The following SPAG17 variants were observed in gnomAD, a reference collection of about 807,000 sequenced individuals.
The protein encoded by SPAG17 is sperm-associated antigen 17.
In SPAG17, 169 loss-of-function variants were observed where a neutral mutation model predicts 273.6. The ratio of observed to expected loss-of-function variants is 0.62; its 90% confidence interval spans 0.55 to 0.70. The LOEUF (loss-of-function observed/expected upper bound fraction) is 0.70. SPAG17 is among the 30% of genes least tolerant of loss of function. The probability of loss-of-function intolerance (pLI) is 0.00; values close to 1 mark genes in which losing one functional copy is unlikely to be tolerated. For missense variants in SPAG17, 2,557 were observed against 2,627.8 expected (o/e 0.97, Z 0.59); for synonymous variants, 825 against 873.2 (o/e 0.94, Z 0.97).
chr1:117,955,468 T>A, intron 48 of SPAG17: 1 of 1,004,096 alleles, frequency 1.0e-6, no homozygotes, highest in African/African-American at 1.7e-5. Context: ...TCTTATAGGT[T>A]TAACTATATC....
At chr1:118,091,883 G>C in intron 9 of SPAG17, 47 bp downstream of exon 9, 2 of 1,584,486 alleles carry the variant, frequency 1.3e-6, no homozygotes, top group Non-Finnish European at 1.7e-6. Context: ...ATCTCTTAAA[G>C]TGCCAGCTCA....
At chr1:118,039,635 G>C (rs1198148999) in intron 22 of SPAG17, among the ~76,000 whole-genome samples, 191 bp from the exon 23 acceptor site, 1 of 152,064 alleles carries the variant, frequency 6.6e-6, no homozygotes, top group Non-Finnish European at 1.5e-5. Flanking sequence ...ATAGACACCA[G>C]GGCTACTTGA....
At chr1:117,958,494 T>C (rs546278833) in intron 48 of SPAG17, among the ~76,000 whole-genome samples, 23 of 152,322 alleles carry the variant, frequency 1.5e-4, no homozygotes, top group Non-Finnish European at 2.4e-4. Context: ...CTTGGTACTC[T>C]AGGTCAGAGT....
chr1:118,135,428 TGTGG>T (rs1186729375), intron 3 of SPAG17, among the ~76,000 whole-genome samples: 309 of 149,506 alleles, frequency 2.1e-3, no homozygotes, highest in African/African-American at 5.8e-3. Context: ...TGTGTGTGTG[TGTGG>T]GGTATGGTGT....
rs372828596 is a variant in SPAG17 at position 118,110,352 on chromosome 1, G to GA, written c.447+4957dup. ...CAGCTGCGTAAAGAAGCAAATCCCAGAAAAAAACAGAAAGAAAAATGCCAA... is the reference window on the plus strand; with the variant it reads ...CAGCTGCGTAAAGAAGCAAATCCCAGAAAAAAAACAGAAAGAAAAATGCCAA... On this transcript the variant is annotated intron_variant, in intron 4 of 48. Transcript: ENST00000336338. Among the ~76,000 whole-genome samples, 731 of 152,110 alleles carry GA rather than the reference G, an allele frequency of 4.8e-3. 5 individuals carry two copies. Among genetic ancestry groups the GA allele is most frequent in the African/African-American group, 0.016 (683 of 41,510 alleles).
At chr1:118,111,673 C>A (rs367656226) in intron 4 of SPAG17, among the ~76,000 whole-genome samples, 4 of 151,690 alleles carry the variant, frequency 2.6e-5, no homozygotes, top group Non-Finnish European at 5.9e-5. Context: ...AAACTACTCT[C>A]ATTTCTCTTT....
chr1:118,184,551 G>A (rs1389357179), intron 1 of SPAG17, among the ~76,000 whole-genome samples: 1 of 152,098 alleles, frequency 6.6e-6, no homozygotes, highest in Non-Finnish European at 1.5e-5. Flanking sequence ...TAATATAGTG[G>A]GATCAGGGCA....
intron 1 of SPAG17, among the ~76,000 whole-genome samples, chr1:118,152,760 A>AT (rs1558049866): frequency 6.6e-6 from 1 of 152,162 alleles, no homozygotes; most frequent in Non-Finnish European, 1.5e-5. Flanking sequence ...CTGACCATTT[A>AT]TTTTTTAAAC....
chr1:118,138,928 T>C (rs1260010800), intron 3 of SPAG17, among the ~76,000 whole-genome samples: 1 of 152,164 alleles, frequency 6.6e-6, no homozygotes, highest in Non-Finnish European at 1.5e-5. Context: ...CAGACATATG[T>C]GACTTAAACT....
rs1034731568 is a variant in SPAG17, at chr1:118,041,980, T to A, written c.2877A>T (p.Ala959=). The part of the protein sequence containing the change: ...EEERLREEKK[A]EKKGKEAGKK... Reference sequence around the variant, plus strand: ...TACCAGCTTCTTTACCCTTCTTCTCTGCTTTCTTTTCTTCCCTTAAGCGCT... The same window carrying A: ...TACCAGCTTCTTTACCCTTCTTCTCAGCTTTCTTTTCTTCCCTTAAGCGCT... Residue 959 remains alanine (A), a synonymous_variant, in exon 21 of 49, where the codon GCA becomes GCT. Coordinates refer to ENST00000336338, the MANE Select transcript of SPAG17 (RefSeq NM_206996.4). The A allele has an allele frequency of 6.2e-7, 1 of 1,614,066 alleles. No individual in the cohort carries two copies. Among genetic ancestry groups the A allele is most frequent in the Non-Finnish European group, 8.5e-7 (1 of 1,179,948 alleles).
At chr1:118,056,031 C>T in intron 18 of SPAG17, 117 bp from the exon 19 acceptor site, 1 of 773,420 alleles carries the variant, frequency 1.3e-6, no homozygotes, top group Non-Finnish European at 2.0e-6. Context: ...AGTTTGAATA[C>T]ATCCTAGATG....
At position 117,991,491 on chromosome 1, in the gene SPAG17, A is replaced by G; in HGVS notation, c.5399T>C (p.Leu1800Pro). 5 of 1,612,054 alleles carry G rather than the reference A, an allele frequency of 3.1e-6. No homozygotes were observed. Among genetic ancestry groups the G allele is most frequent in the Non-Finnish European group, 4.2e-6 (5 of 1,178,556 alleles). The change falls in exon 37 of 49, where the codon CTG (leucine) becomes CCG (proline). Residue 1800 changes from leucine (L) to proline (P), a missense_variant. Transcript: ENST00000336338. ...GGAATCTTTAACCATCATTTCCTGC[A>G]GCTCATCTTCTTTCTTTAGAATATA... is the stretch of plus-strand genomic sequence containing the variant. Reference protein sequence around the residue: ...INYILKKEDELQEMMVKDSRT... With the variant: ...INYILKKEDEPQEMMVKDSRT...
At chr1:118,048,586 A>C (rs1325542290) in intron 20 of SPAG17, among the ~76,000 whole-genome samples, 1 of 152,232 alleles carries the variant, frequency 6.6e-6, no homozygotes, top group Non-Finnish European at 1.5e-5. Context: ...AGGAGACATT[A>C]CAAATGGTAC....
chr1:118,184,257 G>C (rs1661077471), intron 1 of SPAG17, among the ~76,000 whole-genome samples: 1 of 152,100 alleles, frequency 6.6e-6, no homozygotes, highest in Non-Finnish European at 1.5e-5. Flanking sequence ...ATAATGGCGG[G>C]CTGGAATTTC....
At chr1:118,069,789 A>G (rs1001624271) in intron 17 of SPAG17, among the ~76,000 whole-genome samples, 5 of 152,188 alleles carry the variant, frequency 3.3e-5, no homozygotes, top group Non-Finnish European at 7.3e-5. Flanking sequence ...GCACTTCCAT[A>G]TTAGATGCTG....
At chr1:117,994,663 T>A in intron 34 of SPAG17, 133 bp from the exon 35 acceptor site, 1 of 875,230 alleles carries the variant, frequency 1.1e-6, no homozygotes, top group Non-Finnish European at 1.7e-6. Flanking sequence ...ACACAATGAC[T>A]ATACTTAGGA....
chr1:118,003,149 T>C (rs916408128), intron 32 of SPAG17, among the ~76,000 whole-genome samples: 5 of 152,238 alleles, frequency 3.3e-5, no homozygotes, highest in African/African-American at 1.2e-4. Context: ...TGTTGAATAT[T>C]GGCCCCCACT....
At chr1:118,166,030 A>T (rs1345379785) in intron 1 of SPAG17, among the ~76,000 whole-genome samples, 1 of 152,240 alleles carries the variant, frequency 6.6e-6, no homozygotes, top group Non-Finnish European at 1.5e-5. Context: ...AAACTAGTTT[A>T]ACAAAAACCC....
intron 15 of SPAG17, among the ~76,000 whole-genome samples, chr1:118,075,270 A>C (rs1230305841): frequency 6.6e-6 from 1 of 152,226 alleles, no homozygotes; most frequent in Admixed American, 6.5e-5. Flanking sequence ...CTATGGACCA[A>C]TATGAGTCAT....
Sources: gnomAD v4.1 joint callset for allele counts (sites outside exome capture counted in the v4.1 genomes callset) on GRCh38, gnomAD v4.1.1 for gene constraint, MANE v1.5 for transcripts, NCBI Gene and HGNC (gene_info 2026-07-23, HGNC 2026-07-21) for gene names.